The following RBM43 variants were observed in gnomAD, a reference collection of about 807,000 sequenced individuals.
RBM43 encodes the protein RNA binding motif protein 43.
Under a neutral mutation model 12.4 loss-of-function variants are expected in RBM43, and 12 were observed. The observed-to-expected ratio is 0.97, with a 90% confidence interval of 0.62 to 1.57. The LOEUF (loss-of-function observed/expected upper bound fraction) is 1.57, where lower values mean the gene tolerates loss of function less well. Ranked by LOEUF, RBM43 falls within the 40% of genes most tolerant of loss-of-function variation. The pLI is 0.00. For synonymous variants in RBM43, 138 were observed against 145.7 expected (o/e 0.95, Z 0.38); for missense variants, 348 against 400.1 (o/e 0.87, Z 1.11).
rs1682875345 is a variant in RBM43 at position 151,250,118 on chromosome 2, G to A, written c.*788C>T. 6.6e-6 allele frequency: 1 copy of A among 152,228 alleles called. No homozygotes were observed. The highest frequency in any genetic ancestry group is 2.1e-4 in the South Asian group (1 of 4,836). The allele number at this position is 152,228 out of a possible 1,614,324, so 9.4% of individuals were successfully genotyped here. The stretch of plus-strand genomic sequence containing the variant: ...TGCATAAGATATGCTTTCCATCTAA[G>A]TAGTTTCCCCAGTGATTTTTGCCAG... On this transcript the variant is annotated 3_prime_UTR_variant, in exon 4 of 4. Transcript: ENST00000331426.
Position 151,252,849 on chromosome 2 carries a change from T to C in RBM43, c.221A>G (p.Glu74Gly). Residue 74 changes from glutamate (E) to glycine (G), a missense_variant, in exon 3 of 4, where the codon GAG (glutamate) becomes GGG (glycine). Transcript: ENST00000331426. ...YVIFKEKKVA[E>G]NVIRQKKHWL... ...GTGTTTCTTTTGTCTGATGACATTC[T>C]CTGCAACTAAGTGGAAACACTGGCA... 9 of 1,586,486 alleles carry C rather than the reference T, an allele frequency of 5.7e-6. No individual in the cohort carries two copies. The highest frequency in any genetic ancestry group is 6.9e-6 in the Non-Finnish European group (8 of 1,156,424).
chr2:151,250,990 T>A lies in RBM43; in HGVS notation c.990A>T (p.Thr330=). Residue 330 remains threonine, a synonymous_variant, in exon 4 of 4, where the codon ACA becomes ACT. Coordinates refer to ENST00000331426, the MANE Select transcript of RBM43 (RefSeq NM_198557.3). ...YLEVLINLYR[T]HIDIIGSSSD... is the part of the protein sequence containing the mutation. Reference sequence around the variant, plus strand: ...AAGAAGATCCTATAATGTCAATGTGTGTCCTATAAAGGTTAATCAGGACTT... The same window carrying A: ...AAGAAGATCCTATAATGTCAATGTGAGTCCTATAAAGGTTAATCAGGACTT... 6.2e-7 allele frequency: 1 copy of A among 1,612,548 alleles called. No homozygotes were observed. The highest frequency in any genetic ancestry group is 8.5e-7 in the Non-Finnish European group (1 of 1,178,572).
In RBM43 at chr2:151,251,599, A is replaced by G; in HGVS notation, c.381T>C (p.Thr127=). Residue 127 remains threonine, a synonymous_variant, in exon 4 of 4, where the codon ACT becomes ACC. Transcript: ENST00000331426. ...TTTTTTTTTTCAGGTCTTTTACCAG[A>G]GTTTCTAGAGTAACTTCTTTTCCAA... ...SVFGKEVTLE[T]LVKDLKKKIP... The G allele has an allele frequency of 6.2e-7, 1 of 1,613,572 alleles. No homozygotes were observed. Among genetic ancestry groups the G allele is most frequent in the Non-Finnish European group, 8.5e-7 (1 of 1,179,832 alleles).
chr2:151,254,938 T>C (rs1682952430), intron 2 of RBM43, among the ~76,000 whole-genome samples: 1 of 152,168 alleles, frequency 6.6e-6, no homozygotes, highest in South Asian at 2.1e-4. Flanking sequence ...TTGTCGGTAT[T>C]TTACAGGTTT....
chr2:151,251,983 G>T (rs1171295687), intron 3 of RBM43, among the ~76,000 whole-genome samples: 4 of 152,172 alleles, frequency 2.6e-5, no homozygotes, highest in Non-Finnish European at 1.5e-5. Flanking sequence ...CTTGGATAGG[G>T]TTCCCCCAGG....
chr2:151,252,262 C>T (rs568320326), intron 3 of RBM43, among the ~76,000 whole-genome samples: 2 of 152,114 alleles, frequency 1.3e-5, no homozygotes, highest in Non-Finnish European at 2.9e-5. Context: ...GTGGCTCACC[C>T]CTGTAATCCC....
intron 2 of RBM43, among the ~76,000 whole-genome samples, chr2:151,253,253 A>G (rs1352232881): frequency 1.3e-5 from 2 of 152,000 alleles, no homozygotes; most frequent in African/African-American, 4.8e-5. Flanking sequence ...CATTCTCTAG[A>G]TGTTGGCGAG....
rs935471081 is a variant in RBM43 at position 151,248,643 on chromosome 2, A to G, written c.*2263T>C. 6.6e-6 allele frequency: 1 copy of G among 152,100 alleles called. No homozygotes were observed. Among genetic ancestry groups the G allele is most frequent in the Non-Finnish European group, 1.5e-5 (1 of 68,014 alleles). The allele number at this position is 152,100 out of a possible 1,614,324, so 9.4% of individuals were successfully genotyped here. The stretch of plus-strand genomic sequence containing the variant: ...TATGATTTTATAGCCTCCATCTTTT[A>G]GTTCAGTTTTAAGAAAAACAGACTA... On this transcript the variant is annotated 3_prime_UTR_variant, in exon 4 of 4. Transcript: ENST00000331426.
At chr2:151,261,588 G>GCCCCTCCGTGCGCCGC in intron 1 of RBM43, 137 bp downstream of exon 1, 1 of 1,537,166 alleles carries the variant, frequency 6.5e-7, no homozygotes, top group African/African-American at 1.4e-5. Flanking sequence ...GGTCCCTGGG[G>GCCCCTCCGTGCGCCGC]CCCCTCCGTG....
intron 1 of RBM43, chr2:151,261,117 C>T (rs995575882): frequency 4.9e-5 from 50 of 1,015,770 alleles, no homozygotes; most frequent in South Asian, 1.2e-4. Context: ...GAATTAAAGG[C>T]CTTGCCAAGG....
In RBM43 at chr2:151,249,095, C is replaced by G. The variant is rs1682857633; in HGVS notation, c.*1811G>C. 6.6e-6 allele frequency: 1 copy of G among 152,074 alleles called. No individual in the cohort carries two copies. Among genetic ancestry groups the G allele is most frequent in the African/African-American group, 2.4e-5 (1 of 41,384 alleles). 9.4% of individuals were successfully genotyped at this position (152,074 alleles called of 1,614,324 possible). The stretch of plus-strand genomic sequence containing the variant: ...ACTTACTGGAGGGAGAAAGGATTAC[C>G]TGTGAAAGTGGTGGGGGTGTAGGGG... On this transcript the variant is annotated 3_prime_UTR_variant, in exon 4 of 4. Coordinates refer to ENST00000331426, the MANE Select transcript of RBM43 (RefSeq NM_198557.3).
chr2:151,257,955 G>A (rs762400885), intron 1 of RBM43, among the ~76,000 whole-genome samples: 10 of 152,014 alleles, frequency 6.6e-5, no homozygotes, highest in Non-Finnish European at 1.3e-4. Flanking sequence ...CTGTAATCCA[G>A]CTACTCAGGA....
Position 151,255,604 on chromosome 2 carries a change from C to T in RBM43, c.143G>A (p.Gly48Glu). 1 of 1,613,964 alleles carries T rather than the reference C, an allele frequency of 6.2e-7. No individual in the cohort carries two copies. Among genetic ancestry groups the T allele is most frequent in the Non-Finnish European group, 8.5e-7 (1 of 1,179,950 alleles). ...CGGATATATCACATCTTCAACATCT[C>T]CGCCCTCATTCTTAATGTCTTGGAA... ...SHFQDIKNEG[G>E]DVEDVIYPTR... Residue 48 changes from glycine (G) to glutamate (E), a missense_variant, in exon 2 of 4, where the codon GGA becomes GAA. Coordinates refer to ENST00000331426, the MANE Select transcript of RBM43 (RefSeq NM_198557.3).
chr2:151,261,357 CCCTAACAGCCTG>C lies in RBM43; in HGVS notation c.3+356_3+367del, dbSNP rs1159661371. 4 of 1,550,638 alleles carry C rather than the reference CCCTAACAGCCTG, an allele frequency of 2.6e-6. No homozygotes were observed. In the East Asian group the frequency reaches 9.8e-5, roughly 38 times the overall value. The stretch of plus-strand genomic sequence containing the variant: ...GAGGCGTGGGAGGACAACAGTTAAG[CCCTAACAGCCTG>C]CGAAGCAGCTCCTCGACGAACGGCG... On this transcript the variant is annotated intron_variant, in intron 1 of 3. Transcript: ENST00000331426.
At chr2:151,256,412 G>T (rs1682977161) in intron 1 of RBM43, among the ~76,000 whole-genome samples, 1 of 152,138 alleles carries the variant, frequency 6.6e-6, no homozygotes, top group Non-Finnish European at 1.5e-5. Flanking sequence ...ACAAAATATG[G>T]TATTTGGAGG....
chr2:151,257,881 C>T (rs1370575700), intron 1 of RBM43, among the ~76,000 whole-genome samples: 1 of 151,898 alleles, frequency 6.6e-6, no homozygotes, highest in Non-Finnish European at 1.5e-5. Flanking sequence ...ACCAGCCTGG[C>T]CAACATGGTG....
At chr2:151,259,351 A>G (rs1020587783) in intron 1 of RBM43, among the ~76,000 whole-genome samples, 1 of 152,114 alleles carries the variant, frequency 6.6e-6, no homozygotes, top group African/African-American at 2.4e-5. Flanking sequence ...CAAACCTGCT[A>G]AGTCTTAAAA....
intron 1 of RBM43, among the ~76,000 whole-genome samples, chr2:151,260,175 G>T (rs1054597376): frequency 5.3e-5 from 8 of 151,476 alleles, no homozygotes; most frequent in African/African-American, 1.9e-4. Context: ...GCCCAGGCTG[G>T]AGAACAATGG....
At chr2:151,251,829 A>T (rs1015934532) in intron 3 of RBM43, among the ~76,000 whole-genome samples, 165 bp from the exon 4 acceptor site, 1 of 152,232 alleles carries the variant, frequency 6.6e-6, no homozygotes, top group African/African-American at 2.4e-5. Context: ...AGCCCATCAA[A>T]GTTATCCCAT....
Sources: gnomAD v4.1 joint callset for allele counts (sites outside exome capture counted in the v4.1 genomes callset) on GRCh38, gnomAD v4.1.1 for gene constraint, MANE v1.5 for transcripts, NCBI Gene and HGNC (gene_info 2026-07-23, HGNC 2026-07-21) for gene names.